ERN1: variants seen among roughly 807,000 people sequenced by gnomAD.
ERN1 encodes endoplasmic reticulum to nucleus signaling 1, also known as serine/threonine-protein kinase/endoribonuclease IRE1.
ERN1 carries 39 observed loss-of-function variants against 113.1 expected under a neutral mutation model. The observed-to-expected ratio is 0.34, with a 90% CI of 0.27 to 0.45. ERN1 has a LOEUF of 0.45. Ranked by LOEUF, ERN1 falls within the 20% of genes least tolerant of loss-of-function variation. The pLI is 1.00. For synonymous variants in ERN1, 507 were observed against 515.9 expected (o/e 0.98, Z 0.23); for missense variants, 976 against 1,274.8 (o/e 0.77, Z 3.57).
At chr17:64,071,218 G>A (rs1165140336) in intron 6 of ERN1, among the ~76,000 whole-genome samples, 1 of 152,174 alleles carries the variant, frequency 6.6e-6, no homozygotes, top group East Asian at 1.9e-4. Flanking sequence ...AGAGCCGGGT[G>A]TTCCTGAGCA....
intron 11 of ERN1, among the ~76,000 whole-genome samples, chr17:64,059,985 C>T (rs374687461): frequency 6.6e-6 from 1 of 152,114 alleles, no homozygotes; most frequent in East Asian, 1.9e-4. Context: ...GACACCCAAC[C>T]CAGCCTTCAA....
At chr17:64,101,223 A>C (rs1914375724) in intron 1 of ERN1, among the ~76,000 whole-genome samples, 1 of 152,186 alleles carries the variant, frequency 6.6e-6, no homozygotes, top group Admixed American at 6.5e-5. Context: ...AGCCTGGCCA[A>C]CATGGCGAAA....
chr17:64,052,972 T>C lies in ERN1; in HGVS notation c.2061A>G (p.Arg687=). The change falls in exon 17 of 22, where the codon AGA becomes AGG. Residue 687 remains arginine, a synonymous_variant. Transcript: ENST00000433197. ...AHLHSLNIVH[R]DLKPHNILIS... ...TGAGGATGTTGTGTGGCTTTAGGTC[T>C]CTGTGAACTAACAGAGAACTCCAGA... The C allele has an allele frequency of 4.4e-6, 7 of 1,609,170 alleles. No individual in the cohort carries two copies. Among genetic ancestry groups the C allele is most frequent in the Non-Finnish European group, 5.9e-6 (7 of 1,176,702 alleles).
chr17:64,118,104 G>A (rs1475872375), intron 1 of ERN1, among the ~76,000 whole-genome samples: 1 of 152,178 alleles, frequency 6.6e-6, no homozygotes, highest in Non-Finnish European at 1.5e-5. Flanking sequence ...ACCAGAAAAA[G>A]AGGCGGCTGG....
rs190352263 is a variant in ERN1, at chr17:64,043,677, T to A, written c.*311A>T. 1.1e-3 allele frequency: 303 copies of A among 275,786 alleles called. 4 individuals carry two copies. In the Admixed American group the frequency reaches 0.013, roughly 12 times the overall value. 17.1% of individuals were successfully genotyped at this position (275,786 alleles called of 1,614,324 possible). A position where few individuals can be genotyped will look rare whatever the true frequency, so the allele number is the denominator to read the frequency against. On this transcript the variant is annotated 3_prime_UTR_variant, in exon 22 of 22. Transcript: ENST00000433197. Reference sequence around the variant, plus strand: ...TGACATTAAGCAGGAATTTAAAAAGTCTGAAGCAAGTTTATCCAGTAGATG... The same window carrying A: ...TGACATTAAGCAGGAATTTAAAAAGACTGAAGCAAGTTTATCCAGTAGATG...
At chr17:64,087,640 G>A (rs1009905804) in intron 2 of ERN1, among the ~76,000 whole-genome samples, 2 of 152,118 alleles carry the variant, frequency 1.3e-5, no homozygotes, top group African/African-American at 2.4e-5. Context: ...CTGGGTACAT[G>A]GTTTCATGAT....
chr17:64,079,804 G>T, intron 3 of ERN1, 70 bp from the exon 4 acceptor site: 1 of 1,222,618 alleles, frequency 8.2e-7, no homozygotes. Context: ...CCAAAGCCAC[G>T]CAAACCCATG....
intron 5 of ERN1, among the ~76,000 whole-genome samples, chr17:64,074,900 A>G (rs1370393660): frequency 1.3e-5 from 2 of 152,258 alleles, no homozygotes; most frequent in Non-Finnish European, 2.9e-5. Context: ...GCCACTGGGT[A>G]TGTTGCAATC....
chr17:64,080,828 A>C lies in ERN1; in HGVS notation c.176-20T>G. On this transcript the variant is annotated intron_variant, in intron 2 of 21. Coordinates refer to ENST00000433197, the MANE Select transcript of ERN1 (RefSeq NM_001433.5). ...CTGGATCTGTGCAAAAGAACAACAA[A>C]GCCATCATCAGAAACATCCCAAAAT... 2 of 1,605,972 alleles carry C rather than the reference A, an allele frequency of 1.2e-6. No individual in the cohort carries two copies. Among genetic ancestry groups the C allele is most frequent in the Non-Finnish European group, 1.7e-6 (2 of 1,176,128 alleles).
intron 6 of ERN1, among the ~76,000 whole-genome samples, chr17:64,071,125 C>T (rs1913400814): frequency 1.3e-5 from 2 of 152,144 alleles, no homozygotes; most frequent in African/African-American, 4.8e-5. Flanking sequence ...GGGTGCAAGC[C>T]ATGCCTGTCA....
At chr17:64,058,090 T>C in intron 11 of ERN1, 97 bp from the exon 12 acceptor site, 1 of 914,014 alleles carries the variant, frequency 1.1e-6, no homozygotes, top group Non-Finnish European at 1.6e-6. Context: ...TACAAGGATA[T>C]GACTGTACTG....
rs1038478337 is a variant in ERN1, at chr17:64,039,503, A to T, written c.*4485T>A. On this transcript the variant is annotated 3_prime_UTR_variant, in exon 22 of 22. Transcript: ENST00000433197. ...CCCTTTAATAATAAGACTACTGTAA[A>T]GCATCCATCCCATGGAAGGATACAG... 6.6e-5 allele frequency: 10 copies of T among 152,206 alleles called. No individual in the cohort carries two copies. The highest frequency in any genetic ancestry group is 2.4e-4 in the African/African-American group (10 of 41,464). The allele number at this position is 152,206 out of a possible 1,614,324, so 9.4% of individuals were successfully genotyped here. A position where few individuals can be genotyped will look rare whatever the true frequency, so the allele number is the denominator to read the frequency against.
At chr17:64,092,418 T>G (rs527660287) in intron 2 of ERN1, among the ~76,000 whole-genome samples, 1 of 152,300 alleles carries the variant, frequency 6.6e-6, no homozygotes, top group East Asian at 1.9e-4. Context: ...GTTCTGACTC[T>G]TCCCTCCTAA....
rs1458057073 is a variant in ERN1, at chr17:64,044,773, A to C, written c.2721+87T>G. 3.2e-6 allele frequency: 3 copies of C among 952,148 alleles called. No individual in the cohort carries two copies. Among genetic ancestry groups the C allele is most frequent in the Admixed American group, 4.2e-5 (2 of 47,200 alleles). 59.0% of individuals were successfully genotyped at this position (952,148 alleles called of 1,614,324 possible). Reference sequence around the variant, plus strand: ...GAGAGATGAGAATGCCAGTACAGATAAAAGATTTATAAAGAATGGATGAAA... The same window carrying C: ...GAGAGATGAGAATGCCAGTACAGATCAAAGATTTATAAAGAATGGATGAAA... On this transcript the variant is annotated intron_variant, in intron 21 of 21. Transcript: ENST00000433197. This position sits in a 1 kb window ranked among gnomAD's most constrained non-coding sequence, Gnocchi z 4.1.
rs540021724 is a variant in ERN1 at position 64,053,854 on chromosome 17, C to T, written c.1953+396G>A. 6.1e-4 allele frequency: 104 copies of T among 169,552 alleles called. 1 individual carries two copies. The highest frequency in any genetic ancestry group is 2.4e-3 in the Admixed American group (41 of 16,778). 10.5% of individuals were successfully genotyped at this position (169,552 alleles called of 1,614,324 possible). A position where few individuals can be genotyped will look rare whatever the true frequency, so the allele number is the denominator to read the frequency against. On this transcript the variant is annotated intron_variant, in intron 15 of 21. Coordinates refer to ENST00000433197, the MANE Select transcript of ERN1 (RefSeq NM_001433.5). The stretch of plus-strand genomic sequence containing the variant: ...TACAACCAGAGGGATAAAAATGCTC[C>T]ACATTTTGACTGTGTATGTGGTTAA...
rs182752329 is a variant in ERN1 at position 64,103,332 on chromosome 17, A to G, written c.55-5091T>C. The stretch of plus-strand genomic sequence containing the variant: ...GCCAACATGGTGAAACCCTGTCTCT[A>G]CTAAAAACACAAAAATTAGCTGGAT... On this transcript the variant is annotated intron_variant, in intron 1 of 21. Coordinates refer to ENST00000433197, the MANE Select transcript of ERN1 (RefSeq NM_001433.5). Among the ~76,000 whole-genome samples, 378 of 152,186 alleles carry G rather than the reference A, an allele frequency of 2.5e-3. 2 individuals carry two copies. Among genetic ancestry groups the G allele is most frequent in the Admixed American group, 3.7e-3 (56 of 15,278 alleles).
intron 5 of ERN1, 157 bp downstream of exon 5, chr17:64,075,018 G>T: frequency 3.2e-6 from 2 of 620,568 alleles, no homozygotes; most frequent in Non-Finnish European, 5.7e-6. Flanking sequence ...TTTCTTAATT[G>T]GTCAGCTGAT....
chr17:64,086,408 A>G (rs1182320670), intron 2 of ERN1, among the ~76,000 whole-genome samples: 1 of 151,996 alleles, frequency 6.6e-6, no homozygotes, highest in Non-Finnish European at 1.5e-5. Context: ...ATCTCACATA[A>G]TGTCTTGGAA....
chr17:64,113,883 C>T (rs979938158), intron 1 of ERN1, among the ~76,000 whole-genome samples: 1 of 151,828 alleles, frequency 6.6e-6, no homozygotes, highest in Non-Finnish European at 1.5e-5. Context: ...GGGGTTTCAC[C>T]ATCTTGGCCA....
Sources: allele counts gnomAD v4.1 joint callset (sites outside exome capture counted in the v4.1 genomes callset), GRCh38; gene constraint gnomAD v4.1.1; non-coding constraint Gnocchi (gnomAD v3.1); transcripts MANE v1.5; gene names NCBI Gene and HGNC (gene_info 2026-07-23, HGNC 2026-07-21).